FAM168B: variants seen among roughly 807,000 people sequenced by gnomAD.
FAM168B encodes family with sequence similarity 168 member B.
Under a neutral mutation model 21.8 loss-of-function variants are expected in FAM168B, and 19 were observed. The observed-to-expected ratio is 0.87, with a 90% CI of 0.61 to 1.28. The LOEUF is 1.28. FAM168B is among the 50% of genes most tolerant of loss of function. The pLI, the probability that FAM168B is intolerant of heterozygous loss-of-function variation, is 0.00. For synonymous variants in FAM168B, 126 were observed against 104.8 expected (o/e 1.20, Z -1.24); for missense variants, 233 against 263.1 (o/e 0.89, Z 0.79).
Position 131,050,746 on chromosome 2 carries a change from A to G in FAM168B, c.*1719T>C. On this transcript the variant is annotated 3_prime_UTR_variant, in exon 7 of 7. Coordinates refer to ENST00000389915, the MANE Select transcript of FAM168B (RefSeq NM_001009993.4). Reference sequence around the variant, plus strand: ...CCCCCCACCAACCAACTGGGGCAGAATGCTAGTGGGCATCCTCACTGGGCG... The same window carrying G: ...CCCCCCACCAACCAACTGGGGCAGAGTGCTAGTGGGCATCCTCACTGGGCG... The G allele has an allele frequency of 1.0e-6, 1 of 985,444 alleles. No homozygotes were observed. The highest frequency in any genetic ancestry group is 1.2e-6 in the Non-Finnish European group (1 of 829,938). 61.0% of individuals were successfully genotyped at this position (985,444 alleles called of 1,614,324 possible).
Position 131,050,667 on chromosome 2 carries a change from T to G in FAM168B, c.*1798A>C. 1.0e-6 allele frequency: 1 copy of G among 985,014 alleles called. No homozygotes were observed. The highest frequency in any genetic ancestry group is 1.7e-5 in the African/African-American group (1 of 57,356). The allele number at this position is 985,014 out of a possible 1,614,324, so 61.0% of individuals were successfully genotyped here. ...AAATAAGATGTGAAAAAGAAAATTATAAGAAGTACTTACTATAAAAAATAA... is the reference window on the plus strand; with the variant it reads ...AAATAAGATGTGAAAAAGAAAATTAGAAGAAGTACTTACTATAAAAAATAA... On this transcript the variant is annotated 3_prime_UTR_variant, in exon 7 of 7. Transcript: ENST00000389915.
At chr2:131,058,592 TA>T (rs1692142865) in intron 3 of FAM168B, among the ~76,000 whole-genome samples, 1 of 152,214 alleles carries the variant, frequency 6.6e-6, no homozygotes, top group Admixed American at 6.5e-5. Context: ...ACCGCTATGT[TA>T]ACCGTAAATA....
intron 1 of FAM168B, among the ~76,000 whole-genome samples, chr2:131,088,888 C>T (rs1693853442): frequency 6.6e-6 from 1 of 152,092 alleles, no homozygotes; most frequent in Non-Finnish European, 1.5e-5. Flanking sequence ...TAAAATCTCC[C>T]TGCAACCACC....
chr2:131,063,115 T>C (rs1037527082), intron 3 of FAM168B, among the ~76,000 whole-genome samples: 3 of 152,198 alleles, frequency 2.0e-5, no homozygotes, highest in South Asian at 2.1e-4. Context: ...AGTCCATATA[T>C]AGGTGATCAC....
intron 3 of FAM168B, among the ~76,000 whole-genome samples, chr2:131,061,305 A>T (rs1419441228): frequency 6.6e-6 from 1 of 150,932 alleles, no homozygotes; most frequent in Non-Finnish European, 1.5e-5. Flanking sequence ...TAAAAAAAAA[A>T]AAAAAGTAAA....
chr2:131,069,881 C>CG (rs1558968818), intron 3 of FAM168B, among the ~76,000 whole-genome samples: 2 of 150,500 alleles, frequency 1.3e-5, no homozygotes, highest in African/African-American at 4.9e-5. Context: ...TTGGTTGAGA[C>CG]GGAGTCTCAC....
rs551619802 is a variant in FAM168B, at chr2:131,066,385, C to T, written c.154+5470G>A. Among the ~76,000 whole-genome samples, 26 of 152,244 alleles carry T rather than the reference C, an allele frequency of 1.7e-4. No individual in the cohort carries two copies. The South Asian group carries it at 5.2e-3, about 30-fold the overall frequency. ...AGAGACGGGGTTTCACCGTGTTAGCCAGGATGGTCTCGATCTCCTGACCTC... is the reference window on the plus strand; with the variant it reads ...AGAGACGGGGTTTCACCGTGTTAGCTAGGATGGTCTCGATCTCCTGACCTC... On this transcript the variant is annotated intron_variant, in intron 3 of 6. Transcript: ENST00000389915.
chr2:131,077,389 T>A (rs1400789701), intron 2 of FAM168B, among the ~76,000 whole-genome samples: 4 of 152,144 alleles, frequency 2.6e-5, no homozygotes, highest in Non-Finnish European at 5.9e-5. Context: ...CGCTGGTGCC[T>A]CATGTCGGCC....
Position 131,051,304 on chromosome 2 carries a change from TCCACGGCCCTGCC to T in FAM168B, c.*1148_*1160del. On this transcript the variant is annotated 3_prime_UTR_variant, in exon 7 of 7. Coordinates refer to ENST00000389915, the MANE Select transcript of FAM168B (RefSeq NM_001009993.4). The stretch of plus-strand genomic sequence containing the variant: ...ACAGGTTTCTACATTTCCAGACATA[TCCACGGCCCTGCC>T]TTTCTACAAGAAATTGGAGGAATTT... The T allele has an allele frequency of 2.0e-6, 2 of 985,312 alleles. No individual in the cohort carries two copies. Among genetic ancestry groups the T allele is most frequent in the Non-Finnish European group, 2.4e-6 (2 of 829,926 alleles). The allele number at this position is 985,312 out of a possible 1,614,324, so 61.0% of individuals were successfully genotyped here.
At chr2:131,062,073 C>T (rs773099457) in intron 3 of FAM168B, among the ~76,000 whole-genome samples, 3 of 152,226 alleles carry the variant, frequency 2.0e-5, no homozygotes, top group Non-Finnish European at 4.4e-5. Context: ...AATAAACCCA[C>T]GACCCACATC....
intron 1 of FAM168B, among the ~76,000 whole-genome samples, chr2:131,088,555 C>A (rs988098967): frequency 3.3e-5 from 5 of 152,016 alleles, no homozygotes; most frequent in African/African-American, 1.2e-4. Flanking sequence ...ATCTGGGACA[C>A]GACTGAATAC....
At chr2:131,064,264 C>A (rs993568033) in intron 3 of FAM168B, among the ~76,000 whole-genome samples, 1 of 151,628 alleles carries the variant, frequency 6.6e-6, no homozygotes, top group Non-Finnish European at 1.5e-5. Flanking sequence ...CTGTGTACCA[C>A]GCGGATTTTT....
At chr2:131,056,601 G>A (rs1418628447) in intron 3 of FAM168B, among the ~76,000 whole-genome samples, 1 of 152,190 alleles carries the variant, frequency 6.6e-6, no homozygotes, top group African/African-American at 2.4e-5. Flanking sequence ...TTGGTCTCAG[G>A]GGAGGGAGAG....
intron 1 of FAM168B, among the ~76,000 whole-genome samples, chr2:131,092,893 C>G (rs1267709828): frequency 1.3e-5 from 2 of 152,178 alleles, no homozygotes; most frequent in African/African-American, 4.8e-5. Context: ...TCACAAAGCT[C>G]TGCCCCCGGG....
chr2:131,049,003 A>G lies in FAM168B; in HGVS notation c.*3462T>C. On this transcript the variant is annotated 3_prime_UTR_variant, in exon 7 of 7. Coordinates refer to ENST00000389915, the MANE Select transcript of FAM168B (RefSeq NM_001009993.4). ...TCAAATGTTTAAAAAGGACAGGTGA[A>G]GTCTGGGTCTCCTTTTTTAAAGCAG... 14 of 985,602 alleles carry G rather than the reference A, an allele frequency of 1.4e-5. No individual in the cohort carries two copies. Among genetic ancestry groups the G allele is most frequent in the Non-Finnish European group, 1.7e-5 (14 of 829,964 alleles). 61.1% of individuals were successfully genotyped at this position (985,602 alleles called of 1,614,324 possible).
chr2:131,058,588 A>G (rs1485170820), intron 3 of FAM168B, among the ~76,000 whole-genome samples: 1 of 152,214 alleles, frequency 6.6e-6, no homozygotes, highest in African/African-American at 2.4e-5. Flanking sequence ...GCTCACCGCT[A>G]TGTTAACCGT....
intron 3 of FAM168B, among the ~76,000 whole-genome samples, chr2:131,056,861 A>G (rs1211352405): frequency 6.6e-6 from 1 of 152,206 alleles, no homozygotes; most frequent in African/African-American, 2.4e-5. Flanking sequence ...AGCTCTAGGA[A>G]AGACCAACCT....
At position 131,048,495 on chromosome 2, in the gene FAM168B, ATC is replaced by A; in HGVS notation, c.*3968_*3969del. 3 of 1,125,326 alleles carry A rather than the reference ATC, an allele frequency of 2.7e-6. No individual in the cohort carries two copies. The highest frequency in any genetic ancestry group is 3.3e-6 in the Non-Finnish European group (3 of 898,430). The allele number at this position is 1,125,326 out of a possible 1,614,324, so 69.7% of individuals were successfully genotyped here. On this transcript the variant is annotated 3_prime_UTR_variant, in exon 7 of 7. Coordinates refer to ENST00000389915, the MANE Select transcript of FAM168B (RefSeq NM_001009993.4). ...CAGTCCTGTGGACCAAGATAAGGCT[ATC>A]CCCACAGGCTCTCTCTTCTTCAAAT...
chr2:131,090,319 CAAAAAAAAAA>C lies in FAM168B; in HGVS notation c.-12+2885_-12+2894del, dbSNP rs1179969129. On this transcript the variant is annotated intron_variant, in intron 1 of 6. Transcript: ENST00000389915. ...GGGCGACAAAGCGAGACTCTTGTCTCAAAAAAAAAAAAAAAAAAAAGAAAGAAAGACCTAT... is the reference window on the plus strand; with the variant it reads ...GGGCGACAAAGCGAGACTCTTGTCTCAAAAAAAAAAGAAAGAAAGACCTAT... 4.0e-5 allele frequency among the ~76,000 whole-genome samples: 3 copies of C among 75,224 alleles called. No homozygotes were observed. In the South Asian group the frequency reaches 1.2e-3, roughly 30 times the overall value. 49.3% of individuals were successfully genotyped at this position (75,224 alleles called of 152,430 possible). A position where few individuals can be genotyped will look rare whatever the true frequency, so the allele number is the denominator to read the frequency against.
Sources: gnomAD v4.1 joint callset for allele counts (sites outside exome capture counted in the v4.1 genomes callset) on GRCh38, gnomAD v4.1.1 for gene constraint, MANE v1.5 for transcripts, NCBI Gene and HGNC (gene_info 2026-07-23, HGNC 2026-07-21) for gene names.